Variants in ATP8B4 observed in about 807,000 individuals in gnomAD.
ATP8B4 encodes the protein probable phospholipid-transporting ATPase IM.
In ATP8B4, 133 loss-of-function variants were observed where a neutral mutation model predicts 145.6. That is an observed-to-expected ratio of 0.91 (90% CI 0.79 to 1.05). The LOEUF (loss-of-function observed/expected upper bound fraction) is 1.05. ATP8B4 is among the 50% of genes least tolerant of loss of function. ATP8B4 has a pLI of 0.00. For synonymous variants in ATP8B4, 507 were observed against 492.9 expected, an observed-to-expected ratio of 1.03 and a Z score of -0.38; for missense variants, 1,458 against 1,425.2, an observed-to-expected ratio of 1.02 and a Z score of -0.37.
At chr15:50,165,977 AC>A (rs1567415391) in intron 1 of ATP8B4, among the ~76,000 whole-genome samples, 32 of 149,752 alleles carry the variant, frequency 2.1e-4, no homozygotes, top group East Asian at 7.8e-4. Flanking sequence ...GAGAACACAC[AC>A]ACACACACAC....
At chr15:49,965,938 CT>C in intron 13 of ATP8B4, among the ~76,000 whole-genome samples, 1 of 152,202 alleles carries the variant, frequency 6.6e-6, no homozygotes, top group Middle Eastern at 3.4e-3. Flanking sequence ...CTCATTGGGA[CT>C]GGTTAGACAG....
chr15:50,119,802 A>G (rs1258322956), upstream of ATP8B4, among the ~76,000 whole-genome samples: 3 of 100,832 alleles, frequency 3.0e-5, no homozygotes, highest in African/African-American at 4.0e-5. Flanking sequence ...CAGCTCTCTT[A>G]TGGATGAAAG....
intron 1 of ATP8B4, among the ~76,000 whole-genome samples, chr15:50,162,379 T>A (rs1481217689): frequency 6.6e-6 from 1 of 151,820 alleles, no homozygotes; most frequent in Non-Finnish European, 1.5e-5. Flanking sequence ...AATACGGAAA[T>A]TTTTCTGTTA....
At chr15:50,082,160 A>C (rs1423725224) in intron 2 of ATP8B4, among the ~76,000 whole-genome samples, 1 of 152,198 alleles carries the variant, frequency 6.6e-6, no homozygotes, top group African/African-American at 2.4e-5. Flanking sequence ...AGCCAAAGCA[A>C]TTCATTAAAG....
chr15:49,974,693 T>C (rs934257409), intron 12 of ATP8B4, among the ~76,000 whole-genome samples: 21 of 152,340 alleles, frequency 1.4e-4, no homozygotes, highest in African/African-American at 5.1e-4. Context: ...TTTTTATTGA[T>C]ATTTTCCTTA....
At chr15:50,105,255 GAAAA>G (rs35342585) in intron 2 of ATP8B4, among the ~76,000 whole-genome samples, 3 of 116,706 alleles carry the variant, frequency 2.6e-5, no homozygotes, top group Non-Finnish European at 3.5e-5. Flanking sequence ...ACTGAAATTT[GAAAA>G]AAAAAAAAAA....
intron 20 of ATP8B4, chr15:49,908,022 A>C: frequency 2.2e-6 from 1 of 456,020 alleles, no homozygotes; most frequent in Admixed American, 2.3e-5. Context: ...TGAACCACGG[A>C]CTACTTTGGG....
At chr15:49,949,777 C>G (rs1188701656) in intron 14 of ATP8B4, among the ~76,000 whole-genome samples, 1 of 152,008 alleles carries the variant, frequency 6.6e-6, no homozygotes, top group Non-Finnish European at 1.5e-5. Flanking sequence ...TTTGCCCATT[C>G]AATATGATAT....
intron 3 of ATP8B4, among the ~76,000 whole-genome samples, chr15:50,057,605 T>C (rs1234509378): frequency 2.6e-5 from 4 of 152,196 alleles, no homozygotes; most frequent in Admixed American, 6.5e-5. Flanking sequence ...AGAACATTGC[T>C]GGGCTTGTCT....
rs140655722 is a variant in ATP8B4, at chr15:49,979,708, C to T, written c.943G>A (p.Gly315Arg). ...CCGGAGAACACAGAGCTCTTCTCTCCTTCATTCCAAAAGAGGAAAGTTCTG... is the reference window on the plus strand; with the variant it reads ...CCGGAGAACACAGAGCTCTTCTCTCTTTCATTCCAAAAGAGGAAAGTTCTG... ...QFRTFLFWNE[G>R]EKSSVFSGFL... The change falls in exon 12 of 28, where the codon GGA becomes AGA. Residue 315 changes from glycine (G) to arginine (R), a missense_variant. Transcript: ENST00000284509. The T allele has an allele frequency of 1.4e-4, 224 of 1,610,020 alleles. No homozygotes were observed. Among genetic ancestry groups the T allele is most frequent in the Non-Finnish European group, 1.7e-4 (203 of 1,176,828 alleles).
chr15:50,078,547 G>GA (rs1045890561), intron 2 of ATP8B4, among the ~76,000 whole-genome samples: 74 of 146,702 alleles, frequency 5.0e-4, no homozygotes, highest in Middle Eastern at 3.5e-3. Context: ...AGGAAAATGT[G>GA]AAAAAAAAAA....
chr15:50,116,442 T>C (rs12050814), intron 1 of ATP8B4, among the ~76,000 whole-genome samples: 1 of 152,062 alleles, frequency 6.6e-6, no homozygotes, highest in East Asian at 1.9e-4. Context: ...GATGAAAAAA[T>C]AATGTATTTA....
chr15:50,019,335 T>C (rs1229850274), intron 6 of ATP8B4, among the ~76,000 whole-genome samples: 1 of 152,320 alleles, frequency 6.6e-6, no homozygotes, highest in East Asian at 1.9e-4. Context: ...ACTGGAATTC[T>C]CTGCTATGAC....
chr15:50,044,912 T>C (rs2051603042), intron 4 of ATP8B4, among the ~76,000 whole-genome samples: 1 of 152,228 alleles, frequency 6.6e-6, no homozygotes, highest in Non-Finnish European at 1.5e-5. Context: ...ACTGAAATTT[T>C]TATAGCAAGG....
chr15:49,904,208 T>A (rs931475389), intron 20 of ATP8B4, among the ~76,000 whole-genome samples: 1 of 152,156 alleles, frequency 6.6e-6, no homozygotes, highest in African/African-American at 2.4e-5. Context: ...TAAGACACAG[T>A]GCTGGAGGGA....
At chr15:50,023,935 T>C (rs2049808560) in intron 6 of ATP8B4, among the ~76,000 whole-genome samples, 1 of 152,128 alleles carries the variant, frequency 6.6e-6, no homozygotes, top group Non-Finnish European at 1.5e-5. Context: ...ACATTAGTTA[T>C]CTGATGGGGT....
chr15:50,156,930 A>G (rs1249354076), intron 1 of ATP8B4, among the ~76,000 whole-genome samples: 1 of 152,212 alleles, frequency 6.6e-6, no homozygotes, highest in African/African-American at 2.4e-5. Context: ...TGTATCTACC[A>G]TTTAGTGTGT....
intron 20 of ATP8B4, among the ~76,000 whole-genome samples, chr15:49,906,707 ATTTC>A (rs765595922): frequency 1.7e-4 from 26 of 152,300 alleles, no homozygotes; most frequent in Non-Finnish European, 3.1e-4. Flanking sequence ...GAAGGGGGGG[ATTTC>A]TTTAAGTATC....
intron 20 of ATP8B4, among the ~76,000 whole-genome samples, chr15:49,908,798 G>A (rs2038910385): frequency 6.6e-6 from 1 of 152,088 alleles, no homozygotes; most frequent in African/African-American, 2.4e-5. Flanking sequence ...TGGCCAAAGT[G>A]CAAGACGCTG....
Sources: allele counts gnomAD v4.1 joint callset (sites outside exome capture counted in the v4.1 genomes callset), GRCh38; gene constraint gnomAD v4.1.1; transcripts MANE v1.5; gene names NCBI Gene and HGNC (gene_info 2026-07-23, HGNC 2026-07-21).